Variants in REDIC1 observed in about 807,000 individuals in gnomAD.
The protein encoded by REDIC1 is HEI10 Interacting Protein 1.
chr12:39,782,605 C>T, the REDIC1 span, among the ~76,000 whole-genome samples: 49 of 152,006 alleles, frequency 3.2e-4, no homozygotes, highest in Non-Finnish European at 1.2e-4. Flanking sequence ...TAAATTGGTA[C>T]AAGTAGAGTG....
the REDIC1 span, among the ~76,000 whole-genome samples, chr12:39,762,699 G>A: frequency 6.6e-6 from 1 of 152,090 alleles, no homozygotes; most frequent in East Asian, 1.9e-4. Context: ...GAATATAAAT[G>A]CATAGCTTAC....
chr12:39,842,446 G>GA, the REDIC1 span, among the ~76,000 whole-genome samples: 1 of 152,012 alleles, frequency 6.6e-6, no homozygotes, highest in African/African-American at 2.4e-5. Flanking sequence ...ATGCCATTGA[G>GA]AAAACTGATC....
At chr12:39,789,517 C>A in the REDIC1 span, among the ~76,000 whole-genome samples, 1 of 152,066 alleles carries the variant, frequency 6.6e-6, no homozygotes, top group African/African-American at 2.4e-5. Flanking sequence ...TTTAACATAT[C>A]TCCAGGTACA....
At chr12:39,799,297 A>G in the REDIC1 span, among the ~76,000 whole-genome samples, 1 of 136,794 alleles carries the variant, frequency 7.3e-6, no homozygotes, top group Non-Finnish European at 1.5e-5. Context: ...TTTAGTAGCA[A>G]TGGGGTTTCG....
chr12:39,890,594 G>C, the REDIC1 span, among the ~76,000 whole-genome samples: 1 of 152,128 alleles, frequency 6.6e-6, no homozygotes, highest in Non-Finnish European at 1.5e-5. Flanking sequence ...TAGACTGTAA[G>C]ATAATTTGTG....
the REDIC1 span, among the ~76,000 whole-genome samples, chr12:39,654,260 G>T: frequency 6.6e-6 from 1 of 151,772 alleles, no homozygotes; most frequent in Non-Finnish European, 1.5e-5. Context: ...TTTATTTTCA[G>T]GTGTCAAACC....
At chr12:39,833,155 G>T in the REDIC1 span, among the ~76,000 whole-genome samples, 1 of 152,086 alleles carries the variant, frequency 6.6e-6, no homozygotes, top group African/African-American at 2.4e-5. Context: ...AAGGTTTACA[G>T]AAACACAGCC....
chr12:39,872,656 A>T, the REDIC1 span, among the ~76,000 whole-genome samples: 3 of 152,228 alleles, frequency 2.0e-5, no homozygotes, highest in African/African-American at 7.2e-5. Context: ...GTTGATGCAC[A>T]ATGGAAGATA....
chr12:39,682,705 A>G, the REDIC1 span: 1 of 1,613,144 alleles, frequency 6.2e-7, no homozygotes, highest in Non-Finnish European at 8.5e-7. Context: ...AGACTACATT[A>G]CTGAAAAACA....
the REDIC1 span, among the ~76,000 whole-genome samples, chr12:39,894,193 G>T: frequency 6.6e-6 from 1 of 152,194 alleles, no homozygotes; most frequent in East Asian, 1.9e-4. Context: ...AATGGACTCT[G>T]CAAACTTTCA....
At chr12:39,722,237 C>T in the REDIC1 span, among the ~76,000 whole-genome samples, 1 of 152,134 alleles carries the variant, frequency 6.6e-6, no homozygotes, top group Admixed American at 6.6e-5. Context: ...GAGACACCAA[C>T]AGCTAAAGTT....
At chr12:39,816,764 C>T in the REDIC1 span, among the ~76,000 whole-genome samples, 1 of 151,976 alleles carries the variant, frequency 6.6e-6, no homozygotes, top group African/African-American at 2.4e-5. Context: ...GCTGCAAGAA[C>T]CTCTCACCAT....
the REDIC1 span, among the ~76,000 whole-genome samples, chr12:39,632,184 A>C: frequency 6.6e-6 from 1 of 151,648 alleles, no homozygotes; most frequent in African/African-American, 2.4e-5. Flanking sequence ...GCAACTTCCA[A>C]CTCCCAGGTT....
At chr12:39,708,164 T>C in the REDIC1 span, among the ~76,000 whole-genome samples, 23 of 151,808 alleles carry the variant, frequency 1.5e-4, no homozygotes, top group Non-Finnish European at 2.7e-4. Context: ...GAAAACAATG[T>C]AATTAGATGA....
the REDIC1 span, chr12:39,684,040 C>A: frequency 1.5e-6 from 1 of 646,546 alleles, no homozygotes; most frequent in Non-Finnish European, 1.9e-6. Context: ...CATGTTTTCT[C>A]TATGTTCAAG....
chr12:39,749,768 G>C, the REDIC1 span, among the ~76,000 whole-genome samples: 6 of 151,842 alleles, frequency 4.0e-5, no homozygotes, highest in African/African-American at 1.5e-4. Context: ...TCAACATACG[G>C]AAATCAATAA....
the REDIC1 span, among the ~76,000 whole-genome samples, chr12:39,747,403 C>T: frequency 2.6e-5 from 4 of 152,152 alleles, no homozygotes; most frequent in African/African-American, 9.7e-5. Context: ...ATGAACAAAG[C>T]CTCCAATAAA....
the REDIC1 span, among the ~76,000 whole-genome samples, chr12:39,906,061 C>T: frequency 1.3e-5 from 2 of 152,072 alleles, no homozygotes; most frequent in African/African-American, 2.4e-5. Context: ...ACAACTTTAT[C>T]ACGATAGACA....
chr12:39,907,717 G>A, the REDIC1 span: 2 of 151,306 alleles, frequency 1.3e-5, no homozygotes, highest in Admixed American at 6.7e-5. Flanking sequence ...CCTCTGACCT[G>A]TGAAACAGGA....
Sources: gnomAD v4.1 joint callset for allele counts (sites outside exome capture counted in the v4.1 genomes callset) on GRCh38, gnomAD v4.1.1 for gene constraint, MANE v1.5 for transcripts, NCBI Gene and HGNC (gene_info 2026-07-23, HGNC 2026-07-21) for gene names.